Variants in SDS observed in about 807,000 individuals in gnomAD.
SDS encodes the protein serine dehydratase.
A neutral mutation model predicts 29.3 loss-of-function variants in SDS; 19 were observed. That is an observed-to-expected ratio of 0.65 (90% CI 0.45 to 0.95). The LOEUF is 0.95. Among genes scored for constraint, SDS ranks in the 40% least tolerant of loss-of-function variants. SDS has a pLI of 0.00. For missense variants in SDS, 375 were observed against 439.9 expected, an observed-to-expected ratio of 0.85 and a Z score of 1.32; for synonymous variants, 176 against 189.0, an observed-to-expected ratio of 0.93 and a Z score of 0.56.
chr12:113,397,363 AGCTCTTTCACGATGGAAGCGTG>A lies in SDS; in HGVS notation c.433_454del (p.His145Ter). On this transcript the variant is annotated frameshift_variant, in exon 6 of 8. Transcript: ENST00000257549. LOFTEE classifies it high-confidence loss of function. Reference sequence around the variant, plus strand: ...CGGCTTTTCCCACAGTGTCTCCTTCAGCTCTTTCACGATGGAAGCGTGGCCTTCCCTGGAGGGTGGGGAGAGG... The same window carrying A: ...CGGCTTTTCCCACAGTGTCTCCTTCAGCCTTCCCTGGAGGGTGGGGAGAGG... 6.2e-7 allele frequency: 1 copy of A among 1,611,842 alleles called. No individual in the cohort carries two copies. Among genetic ancestry groups the A allele is most frequent in the South Asian group, 1.1e-5 (1 of 91,008 alleles).
At chr12:113,401,125 CAAACAAACA>C in intron 1 of SDS, among the ~76,000 whole-genome samples, 1 of 152,210 alleles carries the variant, frequency 6.6e-6, no homozygotes, top group East Asian at 1.9e-4. Flanking sequence ...AACAAACAAA[CAAACAAACA>C]AAAACAACCT....
Position 113,397,264 on chromosome 12 carries a change from C to G in SDS, c.554G>C (p.Trp185Ser). 1 of 1,614,194 alleles carries G rather than the reference C, an allele frequency of 6.2e-7. No homozygotes were observed. Among genetic ancestry groups the G allele is most frequent in the Non-Finnish European group, 8.5e-7 (1 of 1,180,028 alleles). ...GVVQGLQEVG[W>S]GDVPVIAMET... ...CATGGCGATGACAGGCACGTCCCCC[C>G]AGCCCACCTCCTGCAGCCCCTGGAC... The change falls in exon 6 of 8, where the codon TGG (tryptophan) becomes TCG (serine). Residue 185 changes from tryptophan to serine, a missense_variant. By Grantham distance (177) the Trp-to-Ser change is radical. Transcript: ENST00000257549.
chr12:113,392,942 C>T lies in SDS; in HGVS notation c.986G>A (p.Ter329=). 6.2e-7 allele frequency: 1 copy of T among 1,614,122 alleles called. No individual in the cohort carries two copies. Among genetic ancestry groups the T allele is most frequent in the Non-Finnish European group, 8.5e-7 (1 of 1,179,996 alleles). ...QLGMTNRLPK[*] ...CACAGATCGGTAAGGGGTCCGTCCT[C>T]ACTTGGGCAACCTATTTGTCATGCC... The change falls in exon 8 of 8, where the codon TGA becomes TAA. Residue 329 remains the stop codon, a stop_retained_variant. Transcript: ENST00000257549.
At position 113,398,850 on chromosome 12, in the gene SDS, C is replaced by G; in HGVS notation, c.194-4G>C. 6.3e-7 allele frequency: 1 copy of G among 1,598,742 alleles called. No individual in the cohort carries two copies. The highest frequency in any genetic ancestry group is 8.5e-7 in the Non-Finnish European group (1 of 1,173,042). On this transcript the variant is annotated splice_region_variant and splice_polypyrimidine_tract_variant and intron_variant, in intron 3 of 7. Transcript: ENST00000257549. Reference sequence around the variant, plus strand: ...GCCGCCATGCCTGCGTTGCCCGCTGCCAGGGTCGGGGGTGGAGAGCGTGTC... The same window carrying G: ...GCCGCCATGCCTGCGTTGCCCGCTGGCAGGGTCGGGGGTGGAGAGCGTGTC...
At position 113,393,143 on chromosome 12, in the gene SDS, T is replaced by G. The variant is rs1407523959; in HGVS notation, c.785A>C (p.Glu262Ala). 6.2e-7 allele frequency: 1 copy of G among 1,613,282 alleles called. No individual in the cohort carries two copies. The highest frequency in any genetic ancestry group is 1.1e-5 in the South Asian group (1 of 91,024). The change falls in exon 8 of 8, where the codon GAG becomes GCG. Residue 262 changes from glutamate (E) to alanine (A), a missense_variant. Transcript: ENST00000257549. ...GCAGGCGGGCTCCACCAGGATCTTCTCATCATCTGCCAGAGAAGGGGCGTG... is the reference window on the plus strand; with the variant it reads ...GCAGGCGGGCTCCACCAGGATCTTCGCATCATCTGCCAGAGAAGGGGCGTG... ...VAAIEKFVDD[E>A]KILVEPACGA...
At chr12:113,403,039 G>A (rs578038500) in intron 1 of SDS, among the ~76,000 whole-genome samples, 136 of 152,290 alleles carry the variant, frequency 8.9e-4, no homozygotes, top group African/African-American at 3.2e-3. Context: ...AACCACCTGA[G>A]GAGGAAGGCG....
In SDS at chr12:113,393,067, C is replaced by T; in HGVS notation, c.861G>A (p.Leu287=). The change falls in exon 8 of 8, where the codon CTG becomes CTA. Residue 287 remains leucine, a synonymous_variant. Transcript: ENST00000257549. The part of the protein sequence containing the change: ...VYSHVIQKLQ[L]EGNLRTPLPS... Reference sequence around the variant, plus strand: ...GCAGCGGGGTTCGGAGATTCCCCTCCAGTTGGAGCTTCTGGATCACGTGGC... The same window carrying T: ...GCAGCGGGGTTCGGAGATTCCCCTCTAGTTGGAGCTTCTGGATCACGTGGC... 6.2e-7 allele frequency: 1 copy of T among 1,614,240 alleles called. No homozygotes were observed. The highest frequency in any genetic ancestry group is 8.5e-7 in the Non-Finnish European group (1 of 1,180,042).
chr12:113,398,980 T>C, intron 3 of SDS, 132 bp downstream of exon 3: 1 of 1,537,636 alleles, frequency 6.5e-7, no homozygotes, highest in Non-Finnish European at 8.9e-7. Context: ...GGCCTCCCCC[T>C]GGAATTCCAA....
intron 1 of SDS, among the ~76,000 whole-genome samples, chr12:113,402,454 G>A (rs1478103938): frequency 1.3e-5 from 2 of 152,078 alleles, no homozygotes; most frequent in Non-Finnish European, 1.5e-5. Flanking sequence ...CACCACGCCC[G>A]AATAATTTTT....
At position 113,399,563 on chromosome 12, in the gene SDS, C is replaced by T; in HGVS notation, c.146G>A (p.Cys49Tyr). The T allele has an allele frequency of 6.3e-7, 1 of 1,587,326 alleles. No individual in the cohort carries two copies. The change falls in exon 2 of 8, where the codon TGC (cysteine) becomes TAC (tyrosine). Residue 49 changes from cysteine (C) to tyrosine (Y), a missense_variant. Transcript: ENST00000257549. ...SFKIRGIGHF[C>Y]KRWAKQGCAH... ...GCTGACCCGGTCCCGTACCCTCTTGCAGAAGTGCCCAATGCCCCGGATCTT... is the reference window on the plus strand; with the variant it reads ...GCTGACCCGGTCCCGTACCCTCTTGTAGAAGTGCCCAATGCCCCGGATCTT...
At chr12:113,394,360 G>GTTT (rs1957632618) in intron 6 of SDS, among the ~76,000 whole-genome samples, 1 of 128,232 alleles carries the variant, frequency 7.8e-6, no homozygotes, top group Non-Finnish European at 1.6e-5. Context: ...TTTTTTTTTA[G>GTTT]ACGGAGTCTT....
rs528320834 is a variant in SDS at position 113,400,156 on chromosome 12, G to T, written c.-2-446C>A. ...AAAATACAAAAAATTAGCTGGGCATGGTGGCGCACGCCTGTAACCCCAGCT... is the reference window on the plus strand; with the variant it reads ...AAAATACAAAAAATTAGCTGGGCATTGTGGCGCACGCCTGTAACCCCAGCT... On this transcript the variant is annotated intron_variant, in intron 1 of 7. Coordinates refer to ENST00000257549, the MANE Select transcript of SDS (RefSeq NM_006843.3). Among the ~76,000 whole-genome samples, 3 of 152,358 alleles carry T rather than the reference G, an allele frequency of 2.0e-5. No individual in the cohort carries two copies. The East Asian group carries it at 5.8e-4, about 29-fold the overall frequency.
chr12:113,399,652 C>T lies in SDS; in HGVS notation c.57G>A (p.Leu19=). Residue 19 remains leucine, a synonymous_variant, in exon 2 of 8, where the codon CTG becomes CTA. Coordinates refer to ENST00000257549, the MANE Select transcript of SDS (RefSeq NM_006843.3). ...AGACGCTGGTGCCGGCCATTTTGGA[C>T]AGGGCCATGCTGTCACGGATGGGGG... ...VKTPIRDSMA[L]SKMAGTSVYL... 6.3e-7 allele frequency: 1 copy of T among 1,599,820 alleles called. No homozygotes were observed. Among genetic ancestry groups the T allele is most frequent in the Non-Finnish European group, 8.5e-7 (1 of 1,175,008 alleles).
chr12:113,396,919 A>C (rs1957650380), intron 6 of SDS: 3 of 554,810 alleles, frequency 5.4e-6, no homozygotes, highest in Non-Finnish European at 6.4e-6. Context: ...GATTACAGGC[A>C]CAAGTCACTG....
At chr12:113,400,606 C>A (rs902482481) in intron 1 of SDS, among the ~76,000 whole-genome samples, 2 of 152,262 alleles carry the variant, frequency 1.3e-5, no homozygotes, top group African/African-American at 4.8e-5. Context: ...CATCCACACA[C>A]ACGCACAATC....
intron 6 of SDS, among the ~76,000 whole-genome samples, chr12:113,396,286 G>A (rs1957643115): frequency 6.6e-6 from 1 of 152,108 alleles, no homozygotes; most frequent in African/African-American, 2.4e-5. Context: ...AGAGGACTCA[G>A]TAAATGATTC....
At chr12:113,395,305 GT>G (rs1357177493) in intron 6 of SDS, among the ~76,000 whole-genome samples, 1 of 152,208 alleles carries the variant, frequency 6.6e-6, no homozygotes, top group African/African-American at 2.4e-5. Context: ...GCAGCACGTG[GT>G]TTACAGTAGG....
In SDS at chr12:113,398,751, C is replaced by T. The variant is rs139255594; in HGVS notation, c.289G>A (p.Glu97Lys). 1 of 1,614,080 alleles carries T rather than the reference C, an allele frequency of 6.2e-7. No homozygotes were observed. Among genetic ancestry groups the T allele is most frequent in the African/African-American group, 1.3e-5 (1 of 74,952 alleles). ...GTGGCACCTTCATTCTTGAGGCGCT[C>T]AATGGTGAGAGCAGGTGTGGTGCTG... Reference protein sequence around the residue: ...VPSTTPALTIERLKNEGATVK... With the variant: ...VPSTTPALTIKRLKNEGATVK... The change falls in exon 4 of 8, where the codon GAG becomes AAG. Residue 97 changes from glutamate (E) to lysine (K), a missense_variant. Glu to Lys is a moderately conservative substitution (Grantham distance 56, BLOSUM62 1). Coordinates refer to ENST00000257549, the MANE Select transcript of SDS (RefSeq NM_006843.3).
At chr12:113,397,640 C>G (rs984665497) in intron 5 of SDS, among the ~76,000 whole-genome samples, 1 of 152,272 alleles carries the variant, frequency 6.6e-6, no homozygotes, top group South Asian at 2.1e-4. Flanking sequence ...GGCTACGAGT[C>G]GGTGTACAAA....
Sources: gnomAD v4.1 joint callset for allele counts (sites outside exome capture counted in the v4.1 genomes callset) on GRCh38, gnomAD v4.1.1 for gene constraint, MANE v1.5 for transcripts, NCBI Gene and HGNC (gene_info 2026-07-23, HGNC 2026-07-21) for gene names.